Variants in CNBD1 observed in about 807,000 individuals in gnomAD.
The protein encoded by CNBD1 is cyclic nucleotide binding domain containing 1, also known as cyclic nucleotide-binding domain-containing protein 1.
In CNBD1, 71 loss-of-function variants were observed where a neutral mutation model predicts 54.4. That is an observed-to-expected ratio of 1.30 (90% CI 1.08 to 1.59). CNBD1 has a LOEUF of 1.59. Among genes scored for constraint, CNBD1 ranks in the 40% most tolerant of loss-of-function variants. The pLI, the probability that CNBD1 is intolerant of heterozygous loss-of-function variation, is 0.00. For missense variants in CNBD1, 659 were observed against 518.0 expected (o/e 1.27, Z -2.64); for synonymous variants, 182 against 170.7 (o/e 1.07, Z -0.51).
At chr8:87,053,724 G>A (rs540571963) in intron 4 of CNBD1, among the ~76,000 whole-genome samples, 3 of 152,290 alleles carry the variant, frequency 2.0e-5, no homozygotes, top group East Asian at 3.9e-4. Context: ...TGCGTGACTG[G>A]TATGGATCCC....
chr8:87,371,727 A>T (rs537606304), intron 10 of CNBD1, among the ~76,000 whole-genome samples: 2 of 152,002 alleles, frequency 1.3e-5, no homozygotes. Context: ...ACAGAACCAA[A>T]GACAAAAACC....
At chr8:87,361,734 T>G (rs1404897319) in intron 10 of CNBD1, among the ~76,000 whole-genome samples, 2 of 149,524 alleles carry the variant, frequency 1.3e-5, no homozygotes. Flanking sequence ...TAGAAAATCT[T>G]TGGCTAATAT....
intron 10 of CNBD1, among the ~76,000 whole-genome samples, chr8:87,368,286 C>T (rs936592375): frequency 1.3e-5 from 2 of 151,860 alleles, no homozygotes; most frequent in Non-Finnish European, 2.9e-5. Flanking sequence ...AACAATATAT[C>T]CCAATAAATC....
chr8:87,234,121 T>G (rs1319234869), intron 5 of CNBD1, among the ~76,000 whole-genome samples: 7 of 152,188 alleles, frequency 4.6e-5, no homozygotes, highest in Admixed American at 3.9e-4. Context: ...TAAGCTCTAC[T>G]TTTAATTCTA....
chr8:87,228,070 G>A (rs1324815386), intron 5 of CNBD1, among the ~76,000 whole-genome samples: 82 of 151,598 alleles, frequency 5.4e-4, no homozygotes, highest in African/African-American at 1.7e-3. Flanking sequence ...CGTAGTTCTC[G>A]AGCCTTGGTT....
At chr8:87,312,494 T>A (rs562384572) in intron 8 of CNBD1, among the ~76,000 whole-genome samples, 26 of 152,160 alleles carry the variant, frequency 1.7e-4, no homozygotes, top group Admixed American at 1.3e-3. Context: ...GATCTTCAGA[T>A]CCTGTGAAAT....
rs1807995494 is a variant in CNBD1, at chr8:87,424,056, A to G, written c.214-4490A>G. Among the ~76,000 whole-genome samples, 3 of 152,114 alleles carry G rather than the reference A, an allele frequency of 2.0e-5. No homozygotes were observed. In the South Asian group the frequency reaches 6.2e-4, roughly 31 times the overall value. ...CCATTTCTTCTAGATTTTCTAGTTT[A>G]TTTGTGTAGAAGTGTTTGTAGTATT... is the stretch of plus-strand genomic sequence containing the variant. On this transcript the variant is annotated intron_variant, in intron 2 of 7. Coordinates refer to the CNBD1 transcript ENST00000521593.
chr8:87,227,852 A>C (rs1454529170), intron 5 of CNBD1, among the ~76,000 whole-genome samples: 42 of 147,598 alleles, frequency 2.8e-4, no homozygotes, highest in Non-Finnish European at 5.8e-4. Context: ...ACTTGGTTCC[A>C]TTCTCCCCAT....
At chr8:87,159,452 G>C (rs935731825) in intron 4 of CNBD1, among the ~76,000 whole-genome samples, 1 of 152,132 alleles carries the variant, frequency 6.6e-6, no homozygotes, top group Non-Finnish European at 1.5e-5. Context: ...GTGCAATGGA[G>C]AGTAGAGCTC....
At chr8:87,414,565 G>T (rs182232807) in intron 2 of CNBD1, among the ~76,000 whole-genome samples, 9 of 151,870 alleles carry the variant, frequency 5.9e-5, no homozygotes, top group Admixed American at 3.9e-4. Flanking sequence ...ATATATGTGG[G>T]TGGAAGGTTA....
chr8:87,104,137 G>T (rs1163175972), intron 4 of CNBD1, among the ~76,000 whole-genome samples: 2 of 152,168 alleles, frequency 1.3e-5, no homozygotes, highest in Non-Finnish European at 1.5e-5. Flanking sequence ...ATCGGATGAG[G>T]TAATAAACTA....
chr8:87,184,271 T>C (rs1273150609), intron 4 of CNBD1, among the ~76,000 whole-genome samples: 1 of 152,154 alleles, frequency 6.6e-6, no homozygotes, highest in Non-Finnish European at 1.5e-5. Flanking sequence ...GTGGGGCAGC[T>C]GAGGCTGGGT....
chr8:86,896,438 G>A (rs1228113976), intron 2 of CNBD1, among the ~76,000 whole-genome samples: 2 of 151,962 alleles, frequency 1.3e-5, no homozygotes, highest in African/African-American at 4.8e-5. Flanking sequence ...ATGTCTTTGG[G>A]GCAGTGTATA....
chr8:86,978,089 C>A (rs1808382754), intron 4 of CNBD1, among the ~76,000 whole-genome samples: 4 of 152,134 alleles, frequency 2.6e-5, no homozygotes, highest in Admixed American at 2.6e-4. Context: ...ATTTTAATGT[C>A]TACTTTCAAA....
At chr8:87,154,482 T>G (rs775819868) in intron 4 of CNBD1, among the ~76,000 whole-genome samples, 3 of 152,144 alleles carry the variant, frequency 2.0e-5, no homozygotes, top group Non-Finnish European at 2.9e-5. Context: ...GGGGAATGCT[T>G]TTATTACAGT....
At chr8:86,966,545 G>A (rs1053571228) in intron 4 of CNBD1, among the ~76,000 whole-genome samples, 18 of 152,168 alleles carry the variant, frequency 1.2e-4, no homozygotes, top group African/African-American at 4.3e-4. Context: ...GAGTGTTACA[G>A]CTCTTAAAGG....
intron 8 of CNBD1, among the ~76,000 whole-genome samples, chr8:87,312,664 C>A (rs1809293262): frequency 6.6e-6 from 1 of 151,968 alleles, no homozygotes; most frequent in African/African-American, 2.4e-5. Flanking sequence ...TCCATAATAT[C>A]ATATATTGAT....
chr8:87,163,618 G>T lies in CNBD1; in HGVS notation c.432-42375G>T, dbSNP rs112073622. ...AAAATTTCTTTTTTTCAGATATTTT[G>T]TTAGTGTATGAAAATGCAACTGATA... On this transcript the variant is annotated intron_variant, in intron 4 of 10. Transcript: ENST00000518476. This position sits in a 1 kb window ranked among gnomAD's most constrained non-coding sequence, Gnocchi z 4.5. Among the ~76,000 whole-genome samples the T allele has an allele frequency of 0.026, 3,987 of 151,382 alleles. 163 individuals carry two copies. Among genetic ancestry groups the T allele is most frequent in the African/African-American group, 0.089 (3,668 of 41,296 alleles).
intron 4 of CNBD1, among the ~76,000 whole-genome samples, chr8:87,031,152 G>A (rs1437267057): frequency 6.6e-6 from 1 of 151,592 alleles, no homozygotes; most frequent in Non-Finnish European, 1.5e-5. Flanking sequence ...AATGGCAAGG[G>A]AATAGGGGGT....
Sources: gnomAD v4.1 joint callset for allele counts (sites outside exome capture counted in the v4.1 genomes callset) on GRCh38, gnomAD v4.1.1 for gene constraint, Gnocchi (gnomAD v3.1) non-coding constraint, MANE v1.5 for transcripts, NCBI Gene and HGNC (gene_info 2026-07-23, HGNC 2026-07-21) for gene names.